Variants in DPP4 observed in about 807,000 individuals in gnomAD.
The protein encoded by DPP4 is ADCP-2.
A neutral mutation model predicts 122.4 loss-of-function variants in DPP4; 93 were observed. The observed-to-expected ratio is 0.76, with a 90% CI of 0.64 to 0.90. The LOEUF is 0.90. DPP4 is among the 40% of genes least tolerant of loss of function. The pLI, the probability that DPP4 is intolerant of heterozygous loss-of-function variation, is 0.00. For missense variants in DPP4, 914 were observed against 907.3 expected (o/e 1.01, Z -0.09); for synonymous variants, 321 against 302.9 (o/e 1.06, Z -0.62).
At chr2:162,013,184 A>G (rs991880648) in intron 19 of DPP4, among the ~76,000 whole-genome samples, 2 of 152,046 alleles carry the variant, frequency 1.3e-5, no homozygotes, top group African/African-American at 4.8e-5. Flanking sequence ...AAGGAAAATA[A>G]CTGAACAGAA....
chr2:162,011,979 C>T lies in DPP4; in HGVS notation c.1646G>A (p.Gly549Asp). 6.2e-7 allele frequency: 1 copy of T among 1,611,154 alleles called. No individual in the cohort carries two copies. Among genetic ancestry groups the T allele is most frequent in the South Asian group, 1.1e-5 (1 of 90,784 alleles). Reference sequence around the variant, plus strand: ...AGTGTCTGCTTTTTGACTACATGGGCCTGCATACCTATGAAAAATACCAAA... The same window carrying T: ...AGTGTCTGCTTTTTGACTACATGGGTCTGCATACCTATGAAAAATACCAAA... ...KYPLLLDVYA[G>D]PCSQKADTVF... Residue 549 changes from glycine to aspartate, a missense_variant, in exon 20 of 26, where the codon GGC (glycine) becomes GAC (aspartate). Coordinates refer to ENST00000360534, the MANE Select transcript of DPP4 (RefSeq NM_001935.4).
intron 10 of DPP4, among the ~76,000 whole-genome samples, chr2:162,029,195 T>TAATA (rs1295635352): frequency 3.9e-5 from 6 of 152,268 alleles, no homozygotes; most frequent in South Asian, 2.1e-4. Context: ...AGTAAGCATT[T>TAATA]AATAAATGTT....
intron 4 of DPP4, among the ~76,000 whole-genome samples, 179 bp from the exon 5 acceptor site, chr2:162,045,791 A>G (rs1684153336): frequency 6.6e-6 from 1 of 152,228 alleles, no homozygotes; most frequent in African/African-American, 2.4e-5. Context: ...GGTGGCGATC[A>G]ATGTTAGAAA....
chr2:162,008,819 A>T (rs941280504), intron 21 of DPP4, among the ~76,000 whole-genome samples, 158 bp from the exon 22 acceptor site: 1 of 152,202 alleles, frequency 6.6e-6, no homozygotes, highest in African/African-American at 2.4e-5. Context: ...ATTGGACAGT[A>T]TCTTTAAAGA....
chr2:162,035,141 A>G (rs1683722543), intron 9 of DPP4, 23 bp downstream of exon 9: 1 of 1,593,218 alleles, frequency 6.3e-7, no homozygotes, highest in Admixed American at 1.8e-5. Flanking sequence ...TCATGGAACC[A>G]CTGTACAAAC....
At chr2:162,033,162 A>C (rs974212408) in intron 10 of DPP4, among the ~76,000 whole-genome samples, 1 of 152,062 alleles carries the variant, frequency 6.6e-6, no homozygotes, top group Admixed American at 6.5e-5. Context: ...CATTTTATCC[A>C]TGAGGATTCC....
intron 2 of DPP4, among the ~76,000 whole-genome samples, chr2:162,062,729 T>A (rs1684820471): frequency 6.6e-6 from 1 of 152,246 alleles, no homozygotes; most frequent in South Asian, 2.1e-4. Flanking sequence ...CCTGACTGCC[T>A]GTTCTGTGAC....
intron 19 of DPP4, among the ~76,000 whole-genome samples, chr2:162,013,495 C>T (rs1682785993): frequency 6.6e-6 from 1 of 152,014 alleles, no homozygotes; most frequent in South Asian, 2.1e-4. Flanking sequence ...GTGTCTGATA[C>T]TAATATCTGG....
intron 10 of DPP4, among the ~76,000 whole-genome samples, chr2:162,026,219 A>G (rs1434580636): frequency 1.3e-5 from 2 of 152,114 alleles, no homozygotes; most frequent in Non-Finnish European, 2.9e-5. Context: ...AAAGCCCTTT[A>G]AGCCCCTCAC....
intron 23 of DPP4, among the ~76,000 whole-genome samples, chr2:162,004,585 G>GCACACA (rs10647762): frequency 3.3e-5 from 5 of 150,622 alleles, no homozygotes; most frequent in Non-Finnish European, 5.9e-5. Context: ...ACAGCTCCCT[G>GCACACA]CACACACACA....
At chr2:162,020,540 A>G in intron 13 of DPP4, 41 bp downstream of exon 13, 1 of 1,510,828 alleles carries the variant, frequency 6.6e-7, no homozygotes, top group Non-Finnish European at 9.0e-7. Context: ...CCAAAAAAAA[A>G]AAAGAGGTCA....
intron 19 of DPP4, among the ~76,000 whole-genome samples, chr2:162,013,154 A>C (rs926036759): frequency 2.6e-5 from 4 of 151,682 alleles, no homozygotes; most frequent in African/African-American, 9.7e-5. Context: ...AAAAAAAAAA[A>C]AGACCCTAAA....
At position 162,047,480 on chromosome 2, in the gene DPP4, C is replaced by T; in HGVS notation, c.116G>A (p.Ser39Asn). ...ATCAGTTAGAGTGTAAGTTTTGCGA[C>T]TGTCAGCTGTAGCATCATCTGCTGG... is the stretch of plus-strand genomic sequence containing the variant. ...NKGTDDATAD[S>N]RKTYTLTDYL... The change falls in exon 3 of 26, where the codon AGT becomes AAT. Residue 39 changes from serine (S) to asparagine (N), a missense_variant. Ser to Asn is a conservative substitution (Grantham distance 46, BLOSUM62 1). Transcript: ENST00000360534. 6.3e-7 allele frequency: 1 copy of T among 1,578,746 alleles called. No individual in the cohort carries two copies. The highest frequency in any genetic ancestry group is 1.2e-5 in the South Asian group (1 of 86,134).
chr2:162,042,781 A>C (rs1684032543), intron 5 of DPP4, among the ~76,000 whole-genome samples: 1 of 152,236 alleles, frequency 6.6e-6, no homozygotes. Flanking sequence ...GCAGTGAATA[A>C]ATCACAGGGA....
chr2:162,064,993 C>T (rs1000237043), intron 2 of DPP4, among the ~76,000 whole-genome samples: 17 of 152,168 alleles, frequency 1.1e-4, no homozygotes, highest in Admixed American at 4.6e-4. Flanking sequence ...ACACGATATG[C>T]CTACATAGGC....
chr2:161,993,090 G>A lies in DPP4; in HGVS notation c.*193C>T. 2.0e-6 allele frequency: 1 copy of A among 503,884 alleles called. No individual in the cohort carries two copies. The highest frequency in any genetic ancestry group is 3.6e-6 in the Non-Finnish European group (1 of 279,266). 31.2% of individuals were successfully genotyped at this position (503,884 alleles called of 1,614,324 possible). ...ACCGGATAATTCAAACTTCTGTAAG[G>A]TAATAATCTGTTGTGAAGACAGAAG... On this transcript the variant is annotated 3_prime_UTR_variant, in exon 26 of 26. Transcript: ENST00000360534.
chr2:162,025,075 A>C, intron 10 of DPP4, 136 bp from the exon 11 acceptor site: 1 of 940,386 alleles, frequency 1.1e-6, no homozygotes, highest in Non-Finnish European at 1.5e-6. Flanking sequence ...TGGTTAATGA[A>C]ACCATTTAAT....
intron 19 of DPP4, among the ~76,000 whole-genome samples, chr2:162,014,106 G>T (rs1163558014): frequency 6.6e-6 from 1 of 152,160 alleles, no homozygotes; most frequent in Non-Finnish European, 1.5e-5. Flanking sequence ...GGTTAAGGAT[G>T]AAAATGCAGA....
At chr2:162,004,593 A>ACG (rs1701234561) in intron 23 of DPP4, among the ~76,000 whole-genome samples, 1 of 151,802 alleles carries the variant, frequency 6.6e-6, no homozygotes, top group Non-Finnish European at 1.5e-5. Context: ...CTGCACACAC[A>ACG]CACACACACG....
Sources: gnomAD v4.1 joint callset for allele counts (sites outside exome capture counted in the v4.1 genomes callset) on GRCh38, gnomAD v4.1.1 for gene constraint, MANE v1.5 for transcripts, NCBI Gene and HGNC (gene_info 2026-07-23, HGNC 2026-07-21) for gene names.